Variants in CSMD1 observed in about 807,000 individuals in gnomAD.
The protein encoded by CSMD1 is CUB and Sushi multiple domains 1.
CSMD1 carries 213 observed loss-of-function variants against 417.5 expected under a neutral mutation model. The observed-to-expected ratio is 0.51, with a 90% CI of 0.46 to 0.57. The LOEUF is 0.57. Ranked by LOEUF, CSMD1 falls within the 20% of genes least tolerant of loss-of-function variation. CSMD1 has a pLI of 0.00. For missense variants in CSMD1, 6,923 were observed against 4,529.7 expected, an observed-to-expected ratio of 1.53 and a Z score of -15.17; for synonymous variants, 2,862 against 1,736.8, an observed-to-expected ratio of 1.65 and a Z score of -16.11.
intron 10 of CSMD1, among the ~76,000 whole-genome samples, chr8:3,495,815 A>G (rs1796339989): frequency 6.6e-6 from 1 of 152,192 alleles, no homozygotes; most frequent in African/African-American, 2.4e-5. Flanking sequence ...TTTAGTTCCT[A>G]CAGCATATGC....
Position 4,013,966 on chromosome 8 carries a change from G to A in CSMD1, c.611-15856C>T, listed in dbSNP as rs147941208. Among the ~76,000 whole-genome samples, 335 of 152,240 alleles carry A rather than the reference G, an allele frequency of 2.2e-3. 1 individual carries two copies. Among genetic ancestry groups the A allele is most frequent in the Admixed American group, 4.8e-3 (73 of 15,288 alleles). ...GATAAGTGTATGTAATACTTTGCAGGTCCTCAATAAACGTTCCTTGGAAGA... is the reference window on the plus strand; with the variant it reads ...GATAAGTGTATGTAATACTTTGCAGATCCTCAATAAACGTTCCTTGGAAGA... On this transcript the variant is annotated intron_variant, in intron 4 of 69. Transcript: ENST00000635120.
In CSMD1 at chr8:4,131,477, T is replaced by C. The variant is rs140165561; in HGVS notation, c.416-99378A>G. ...TTAAACTTCTTAAAAAATAAAAGTT[T>C]GAAACCAAATATTTTCCCCTTGGAT... On this transcript the variant is annotated intron_variant, in intron 3 of 69. Coordinates refer to ENST00000635120, the MANE Select transcript of CSMD1 (RefSeq NM_033225.6). Among the ~76,000 whole-genome samples the C allele has an allele frequency of 7.7e-3, 1,167 of 152,332 alleles. 6 individuals are homozygous for C. Among genetic ancestry groups the C allele is most frequent in the Non-Finnish European group, 0.012 (818 of 68,034 alleles).
chr8:4,379,675 AGGGG>A (rs1802977285), intron 3 of CSMD1, among the ~76,000 whole-genome samples: 3 of 149,916 alleles, frequency 2.0e-5, no homozygotes, highest in African/African-American at 7.3e-5. Context: ...TAGTTCTTAC[AGGGG>A]AAGAGGGCAA....
chr8:3,864,669 C>A (rs190364637), intron 5 of CSMD1, among the ~76,000 whole-genome samples: 4 of 152,028 alleles, frequency 2.6e-5, no homozygotes, highest in South Asian at 2.1e-4. Flanking sequence ...CTGAAGAAGA[C>A]ACTTTCGACT....
intron 10 of CSMD1, among the ~76,000 whole-genome samples, chr8:3,498,425 A>G (rs957947458): frequency 6.6e-6 from 1 of 152,102 alleles, no homozygotes; most frequent in South Asian, 2.1e-4. Flanking sequence ...TCACCAGGAG[A>G]GAAGGAAGAA....
intron 1 of CSMD1, among the ~76,000 whole-genome samples, chr8:4,730,637 A>C (rs936140306): frequency 6.6e-6 from 1 of 152,086 alleles, no homozygotes; most frequent in East Asian, 1.9e-4. Context: ...GCTACTCGGG[A>C]GGCTGAGACA....
intron 7 of CSMD1, among the ~76,000 whole-genome samples, chr8:3,637,676 G>C (rs1209227515): frequency 2.0e-5 from 3 of 152,170 alleles, no homozygotes; most frequent in African/African-American, 4.8e-5. Flanking sequence ...ATATGAAACA[G>C]GATGACAACT....
chr8:4,377,280 G>C (rs893864189), intron 3 of CSMD1, among the ~76,000 whole-genome samples: 3 of 152,166 alleles, frequency 2.0e-5, no homozygotes, highest in Admixed American at 6.5e-5. Flanking sequence ...GGGACAGAGA[G>C]AGCAAAAGGG....
chr8:4,455,817 G>T (rs952912166), intron 2 of CSMD1, among the ~76,000 whole-genome samples: 15 of 150,404 alleles, frequency 1.0e-4, no homozygotes, highest in African/African-American at 2.4e-4. Context: ...TGGAATCCCA[G>T]CTACTCAGGA....
chr8:4,205,516 C>T (rs1799925629), intron 3 of CSMD1, among the ~76,000 whole-genome samples: 1 of 152,128 alleles, frequency 6.6e-6, no homozygotes, highest in South Asian at 2.1e-4. Context: ...ATCTTTATTT[C>T]ATTTTATGGA....
At chr8:3,533,426 G>C (rs1798061785) in intron 10 of CSMD1, among the ~76,000 whole-genome samples, 1 of 152,114 alleles carries the variant, frequency 6.6e-6, no homozygotes, top group Non-Finnish European at 1.5e-5. Flanking sequence ...GTTTGACTCT[G>C]TCAGCGTCTA....
chr8:4,170,147 C>G (rs991913030), intron 3 of CSMD1, among the ~76,000 whole-genome samples: 3 of 151,720 alleles, frequency 2.0e-5, no homozygotes, highest in Non-Finnish European at 2.9e-5. Context: ...TAAAAGTTAC[C>G]CAAACCTCCT....
At chr8:4,536,125 A>C in intron 2 of CSMD1, among the ~76,000 whole-genome samples, 1 of 152,320 alleles carries the variant, frequency 6.6e-6, no homozygotes. Flanking sequence ...TCACTTGACA[A>C]GGTTCCTTTC....
At chr8:3,546,716 T>C (rs1798682039) in intron 10 of CSMD1, among the ~76,000 whole-genome samples, 1 of 152,172 alleles carries the variant, frequency 6.6e-6, no homozygotes, top group Non-Finnish European at 1.5e-5. Context: ...ATGTAGGAAT[T>C]ACTGAAGATA....
At chr8:4,120,948 A>C (rs370476646) in intron 3 of CSMD1, among the ~76,000 whole-genome samples, 1 of 152,186 alleles carries the variant, frequency 6.6e-6, no homozygotes, top group African/African-American at 2.4e-5. Flanking sequence ...TATAATAAGA[A>C]TACTTTTCTT....
At chr8:3,336,414 C>G (rs2117571972) in intron 23 of CSMD1, among the ~76,000 whole-genome samples, 2 of 152,308 alleles carry the variant, frequency 1.3e-5, no homozygotes, top group Admixed American at 6.5e-5. Flanking sequence ...GAAAAACATA[C>G]TTAAATTCAT....
intron 3 of CSMD1, among the ~76,000 whole-genome samples, chr8:4,081,254 C>T (rs1032375058): frequency 6.6e-6 from 1 of 152,184 alleles, no homozygotes; most frequent in Admixed American, 6.5e-5. Flanking sequence ...ATTGTGGTAG[C>T]TCATTTTGAA....
chr8:3,371,782 G>C (rs1158989867), intron 18 of CSMD1, among the ~76,000 whole-genome samples: 1 of 152,054 alleles, frequency 6.6e-6, no homozygotes, highest in Non-Finnish European at 1.5e-5. Context: ...ATCGGCAAAA[G>C]AGAAAATTTT....
chr8:4,190,978 T>C (rs1219524600), intron 3 of CSMD1, among the ~76,000 whole-genome samples: 3 of 151,412 alleles, frequency 2.0e-5, no homozygotes, highest in African/African-American at 7.3e-5. Flanking sequence ...AGGGAGAGGA[T>C]CAGGACAAAT....
Sources: gnomAD v4.1 joint callset for allele counts (sites outside exome capture counted in the v4.1 genomes callset) on GRCh38, gnomAD v4.1.1 for gene constraint, MANE v1.5 for transcripts, NCBI Gene and HGNC (gene_info 2026-07-23, HGNC 2026-07-21) for gene names.